Variants in GPD2 observed in about 807,000 individuals in gnomAD.
GPD2 encodes glycerol-3-phosphate dehydrogenase 2.
GPD2 carries 54 observed loss-of-function variants against 82.4 expected under a neutral mutation model. The ratio of observed to expected loss-of-function variants is 0.66; its 90% CI spans 0.53 to 0.82. The LOEUF is 0.82. Ranked by LOEUF, GPD2 falls within the 40% of genes least tolerant of loss-of-function variation. GPD2 has a pLI of 0.00. For synonymous variants in GPD2, 288 were observed against 306.1 expected (o/e 0.94, Z 0.62); for missense variants, 748 against 896.2 (o/e 0.83, Z 2.11).
intron 4 of GPD2, among the ~76,000 whole-genome samples, chr2:156,511,801 A>T (rs1685006487): frequency 6.6e-6 from 1 of 152,208 alleles, no homozygotes; most frequent in Admixed American, 6.5e-5. Context: ...ATACTGTGCA[A>T]CTGTTAAGAA....
In GPD2 at chr2:156,510,819, A is replaced by G. The variant is rs753309508; in HGVS notation, c.298A>G (p.Arg100Gly). 12 of 1,613,300 alleles carry G rather than the reference A, an allele frequency of 7.4e-6. No homozygotes were observed. The South Asian group carries it at 1.2e-4, about 16-fold the overall frequency. ...TRGLKTALVE[R>G]DDFSSGTSSR... ...AGGACTAAAAACAGCCCTTGTAGAA[A>G]GAGATGATTTCTCATCAGGGACCAG... The change falls in exon 4 of 17, where the codon AGA becomes GGA. Residue 100 changes from arginine (R) to glycine (G), a missense_variant. By Grantham distance (125) the Arg-to-Gly change is moderately radical (BLOSUM62 -2). Transcript: ENST00000438166.
At chr2:156,460,391 A>T (rs552792229) in intron 1 of GPD2, among the ~76,000 whole-genome samples, 2 of 152,312 alleles carry the variant, frequency 1.3e-5, no homozygotes, top group South Asian at 4.1e-4. Flanking sequence ...ATAGGGGGAA[A>T]ATTATGAAAT....
the GPD2 span, among the ~76,000 whole-genome samples, chr2:156,401,105 C>T: frequency 6.6e-6 from 1 of 152,164 alleles, no homozygotes; most frequent in Non-Finnish European, 1.5e-5. Context: ...CTTTGAGGCT[C>T]CTGTGTATGA....
chr2:156,478,571 A>C (rs1367276865), intron 2 of GPD2, among the ~76,000 whole-genome samples: 1 of 152,214 alleles, frequency 6.6e-6, no homozygotes, highest in Admixed American at 6.5e-5. Flanking sequence ...AGACATTGAC[A>C]TAAAATGACC....
Position 156,549,735 on chromosome 2 carries a change from G to A in GPD2, c.789G>A (p.Val263=). ...AGACAGACCCCCAGACAGGGAAAGT[G>A]CGTGTGAGCGGCGCACGGTGCAAGG... is the stretch of plus-strand genomic sequence containing the variant. ...LKKTDPQTGK[V]RVSGARCKDV... The change falls in exon 7 of 17, where the codon GTG becomes GTA. Residue 263 remains valine, a synonymous_variant. Transcript: ENST00000438166. 3 of 1,614,078 alleles carry A rather than the reference G, an allele frequency of 1.9e-6. No homozygotes were observed. Among genetic ancestry groups the A allele is most frequent in the Non-Finnish European group, 2.5e-6 (3 of 1,179,908 alleles).
chr2:156,464,461 G>A (rs978855013), intron 1 of GPD2, among the ~76,000 whole-genome samples: 12 of 152,170 alleles, frequency 7.9e-5, no homozygotes, highest in South Asian at 4.1e-4. Context: ...ATTTCAACAG[G>A]TTACAGGAGA....
intron 3 of GPD2, among the ~76,000 whole-genome samples, chr2:156,502,368 G>A (rs1393090893): frequency 6.6e-6 from 1 of 152,064 alleles, no homozygotes; most frequent in African/African-American, 2.4e-5. Flanking sequence ...GTGAAATTTG[G>A]GAAATATTTA....
At chr2:156,541,294 T>G (rs1461777015) in intron 6 of GPD2, among the ~76,000 whole-genome samples, 3 of 152,190 alleles carry the variant, frequency 2.0e-5, no homozygotes, top group African/African-American at 7.2e-5. Context: ...TAGAATGCTG[T>G]TTGGTAATAT....
chr2:156,523,401 G>C (rs1032011006), intron 6 of GPD2, among the ~76,000 whole-genome samples: 1 of 152,028 alleles, frequency 6.6e-6, no homozygotes, highest in Non-Finnish European at 1.5e-5. Flanking sequence ...TAGCCAAATA[G>C]TTCAACAAAG....
At chr2:156,509,424 T>C (rs561333148) in intron 3 of GPD2, among the ~76,000 whole-genome samples, 1 of 152,356 alleles carries the variant, frequency 6.6e-6, no homozygotes, top group African/African-American at 2.4e-5. Flanking sequence ...TAAATGAACT[T>C]TGTGAGTCCA....
intron 6 of GPD2, among the ~76,000 whole-genome samples, chr2:156,516,953 A>C (rs1685222015): frequency 6.6e-6 from 1 of 152,236 alleles, no homozygotes; most frequent in South Asian, 2.1e-4. Flanking sequence ...TTAGGGCTGT[A>C]AGAGGTTTCC....
intron 9 of GPD2, among the ~76,000 whole-genome samples, chr2:156,563,273 G>A (rs892058345): frequency 7.9e-5 from 12 of 151,998 alleles, no homozygotes; most frequent in Non-Finnish European, 1.2e-4. Flanking sequence ...CAGTATTTGG[G>A]GTATTGAAAA....
In GPD2 at chr2:156,513,500, T is replaced by G. The variant is rs775910539; in HGVS notation, c.661+4T>G. On this transcript the variant is annotated splice_donor_region_variant and intron_variant, in intron 6 of 16. Coordinates refer to ENST00000438166, the MANE Select transcript of GPD2 (RefSeq NM_000408.5). The stretch of plus-strand genomic sequence containing the variant: ...GGAGCAATTGTCTACTATGACGGTA[T>G]GTGATGTTTTTTTTTTTTTTCCTCA... 6.2e-7 allele frequency: 1 copy of G among 1,609,580 alleles called. No homozygotes were observed. The highest frequency in any genetic ancestry group is 1.3e-5 in the African/African-American group (1 of 74,546).
chr2:156,512,131 T>TATCA lies in GPD2; in HGVS notation c.400-84_400-81dup, dbSNP rs1685020026. 3 of 768,966 alleles carry TATCA rather than the reference T, an allele frequency of 3.9e-6. No individual in the cohort carries two copies. In the Admixed American group the frequency reaches 5.2e-5, roughly 13 times the overall value. 47.6% of individuals were successfully genotyped at this position (768,966 alleles called of 1,614,324 possible). On this transcript the variant is annotated intron_variant, in intron 4 of 16. Coordinates refer to ENST00000438166, the MANE Select transcript of GPD2 (RefSeq NM_000408.5). Reference sequence around the variant, plus strand: ...CACTCAGAGATAGAAGGTTTCTGTGTATCAATCAGTTGGCAGGGTGTCTAT... The same window carrying TATCA: ...CACTCAGAGATAGAAGGTTTCTGTGTATCAATCAATCAGTTGGCAGGGTGTCTAT...
chr2:156,499,116 A>G (rs566519720), intron 3 of GPD2, among the ~76,000 whole-genome samples: 23 of 152,320 alleles, frequency 1.5e-4, no homozygotes, highest in African/African-American at 5.3e-4. Context: ...GTGAGTATGA[A>G]GAGCTACTCT....
At chr2:156,451,031 A>C (rs1195391805) in intron 1 of GPD2, among the ~76,000 whole-genome samples, 1 of 141,828 alleles carries the variant, frequency 7.1e-6, no homozygotes, top group African/African-American at 2.6e-5. Flanking sequence ...TTCTTAGTAC[A>C]GAACAAAATG....
rs1477348855 is a variant in GPD2 at position 156,571,292 on chromosome 2, G to A, written c.1767G>A (p.Gln589=). Residue 589 remains glutamine, a splice_region_variant and synonymous_variant, in exon 13 of 17, where the codon CAG becomes CAA. Coordinates refer to ENST00000438166, the MANE Select transcript of GPD2 (RefSeq NM_000408.5). ...RELNWDDYKK[Q]EQLETARKFL... is the part of the protein sequence containing the mutation. ...TGAATTGGGATGATTATAAGAAGCA[G>A]GTATTATATAGAAGTCTTTAAAACC... 6.3e-7 allele frequency: 1 copy of A among 1,592,034 alleles called. No homozygotes were observed. The highest frequency in any genetic ancestry group is 8.6e-7 in the Non-Finnish European group (1 of 1,166,770).
At chr2:156,499,614 A>G (rs1436814095) in intron 3 of GPD2, among the ~76,000 whole-genome samples, 1 of 152,160 alleles carries the variant, frequency 6.6e-6, no homozygotes, top group African/African-American at 2.4e-5. Context: ...TTTTAAAAAA[A>G]TAGACAAGAT....
At chr2:156,517,813 C>A (rs1375498438) in intron 6 of GPD2, among the ~76,000 whole-genome samples, 1 of 151,954 alleles carries the variant, frequency 6.6e-6, no homozygotes, top group African/African-American at 2.4e-5. Flanking sequence ...TAGTTAGACT[C>A]CAGTCATCCA....
Sources: gnomAD v4.1 joint callset for allele counts (sites outside exome capture counted in the v4.1 genomes callset) on GRCh38, gnomAD v4.1.1 for gene constraint, MANE v1.5 for transcripts, NCBI Gene and HGNC (gene_info 2026-07-23, HGNC 2026-07-21) for gene names.